The following BRD3 variants were observed in gnomAD, a reference collection of about 807,000 sequenced individuals.
BRD3 encodes bromodomain containing 3, also known as bromodomain-containing protein 3.
In BRD3, 17 loss-of-function variants were observed where a neutral mutation model predicts 66.8. That is an observed-to-expected ratio of 0.25 (90% CI 0.17 to 0.38). BRD3 has a LOEUF of 0.38. Among genes scored for constraint, BRD3 ranks in the 10% least tolerant of loss-of-function variants. BRD3 has a pLI of 1.00. For missense variants in BRD3, 713 were observed against 956.1 expected, an observed-to-expected ratio of 0.75 and a Z score of 3.35; for synonymous variants, 421 against 393.2, an observed-to-expected ratio of 1.07 and a Z score of -0.84.
intron 5 of BRD3, 67 bp from the exon 6 acceptor site, chr9:134,048,521 C>T (rs532057376): frequency 7.6e-6 from 12 of 1,586,152 alleles, no homozygotes; most frequent in Admixed American, 6.8e-5. Flanking sequence ...TCGCTGCAGC[C>T]GCGTTTCTGG....
chr9:134,031,368 G>C lies in BRD3; in HGVS notation c.*2222C>G, dbSNP rs557349236. ...CAGGCACCCCCGGCTTAGGGTGTAC[G>C]TATCACCCAGCCCTGTGCTGGCAGC... On this transcript the variant is annotated 3_prime_UTR_variant, in exon 12 of 12. Coordinates refer to ENST00000303407, the MANE Select transcript of BRD3 (RefSeq NM_007371.4). The C allele has an allele frequency of 1.4e-5, 3 of 207,970 alleles. No individual in the cohort carries two copies. The highest frequency in any genetic ancestry group is 4.6e-5 in the African/African-American group (2 of 43,942). The allele number at this position is 207,970 out of a possible 1,614,324, so 12.9% of individuals were successfully genotyped here. A position where few individuals can be genotyped will look rare whatever the true frequency, so the allele number is the denominator to read the frequency against.
intron 9 of BRD3, among the ~76,000 whole-genome samples, chr9:134,036,910 C>T (rs1829930757): frequency 6.6e-6 from 1 of 152,016 alleles, no homozygotes; most frequent in South Asian, 2.1e-4. Context: ...ATGCGGGAGG[C>T]TGAGGCAGGA....
At position 134,040,043 on chromosome 9, in the gene BRD3, G is replaced by T; in HGVS notation, c.1634C>A (p.Thr545Lys). The T allele has an allele frequency of 6.3e-7, 1 of 1,590,452 alleles. No homozygotes were observed. Among genetic ancestry groups the T allele is most frequent in the Non-Finnish European group, 8.5e-7 (1 of 1,170,928 alleles). Reference protein sequence around the residue: ...APAKKANSTTTAGRQLKKGGK... With the variant: ...APAKKANSTTKAGRQLKKGGK... Reference sequence around the variant, plus strand: ...CAGGTCTGGAGCCCACCTGCCGGCCGTGGTCGTGCTGTTGGCCTTCTTGGC... The same window carrying T: ...CAGGTCTGGAGCCCACCTGCCGGCCTTGGTCGTGCTGTTGGCCTTCTTGGC... The change falls in exon 9 of 12, where the codon ACG becomes AAG. Residue 545 changes from threonine (T) to lysine (K), a missense_variant. By Grantham distance (78) the Thr-to-Lys change is moderately conservative (BLOSUM62 -1). Coordinates refer to ENST00000303407, the MANE Select transcript of BRD3 (RefSeq NM_007371.4).
At position 134,045,661 on chromosome 9, in the gene BRD3, T is replaced by A. The variant is rs1830151541; in HGVS notation, c.1087-240A>T. ...GAGGGTCTGGGACTCCAGAGACAGATCTCCTGATTGGAAGAAAAATGCACT... is the reference window on the plus strand; with the variant it reads ...GAGGGTCTGGGACTCCAGAGACAGAACTCCTGATTGGAAGAAAAATGCACT... On this transcript the variant is annotated intron_variant, in intron 6 of 11. Coordinates refer to ENST00000303407, the MANE Select transcript of BRD3 (RefSeq NM_007371.4). This position sits in a 1 kb window ranked among gnomAD's most constrained non-coding sequence, Gnocchi z 4.8. 6.6e-6 allele frequency among the ~76,000 whole-genome samples: 1 copy of A among 152,054 alleles called. No individual in the cohort carries two copies. Among genetic ancestry groups the A allele is most frequent in the Non-Finnish European group, 1.5e-5 (1 of 68,012 alleles).
intron 1 of BRD3, among the ~76,000 whole-genome samples, chr9:134,063,305 T>C (rs1187622531): frequency 1.3e-5 from 2 of 152,232 alleles, no homozygotes; most frequent in Non-Finnish European, 2.9e-5. Context: ...GGAGCCACCG[T>C]GCTTGACCCT....
Position 134,051,617 on chromosome 9 carries a change from T to C in BRD3, c.444A>G (p.Leu148=). The change falls in exon 4 of 12, where the codon TTA becomes TTG. Residue 148 remains leucine (L), a synonymous_variant. Coordinates refer to ENST00000303407, the MANE Select transcript of BRD3 (RefSeq NM_007371.4). ...GACCTTTGCCCTTTGGAGCAGGGGG[T>C]AATAATTCAACTTCCTCTTGGGGCA... The part of the protein sequence containing the change: ...AQMPQEEVEL[L]PPAPKGKGRK... 1 of 1,585,500 alleles carries C rather than the reference T, an allele frequency of 6.3e-7. No homozygotes were observed. The highest frequency in any genetic ancestry group is 8.5e-7 in the Non-Finnish European group (1 of 1,170,766).
intron 11 of BRD3, 40 bp downstream of exon 11, chr9:134,034,661 C>G (rs376499654): frequency 6.3e-7 from 1 of 1,598,254 alleles, no homozygotes; most frequent in South Asian, 1.1e-5. Flanking sequence ...ACACCCCCCA[C>G]CCCCCTAAAG....
In BRD3 at chr9:134,059,548, C is replaced by T. The variant is rs180760914; in HGVS notation, c.-113-5958G>A. On this transcript the variant is annotated intron_variant, in intron 1 of 11. Coordinates refer to ENST00000303407, the MANE Select transcript of BRD3 (RefSeq NM_007371.4). ...TCCTTCACCCCTCGCAGCTGCCCTG[C>T]GGGAATGTGCAGCAGAAGGGGGTGT... Among the ~76,000 whole-genome samples the T allele has an allele frequency of 7.6e-3, 1,162 of 152,328 alleles. 12 individuals carry two copies. Among genetic ancestry groups the T allele is most frequent in the African/African-American group, 0.026 (1,089 of 41,556 alleles).
chr9:134,033,401 C>T lies in BRD3; in HGVS notation c.*189G>A, dbSNP rs1174615110. 3.8e-6 allele frequency: 2 copies of T among 524,198 alleles called. No individual in the cohort carries two copies. Among genetic ancestry groups the T allele is most frequent in the Admixed American group, 3.6e-5 (1 of 27,790 alleles). 32.5% of individuals were successfully genotyped at this position (524,198 alleles called of 1,614,324 possible). A position where few individuals can be genotyped will look rare whatever the true frequency, so the allele number is the denominator to read the frequency against. ...ACTTTCTGCAGAGTTCACACCTTCT[C>T]ATCAAGTCTAACGCACACACAAGAT... is the stretch of plus-strand genomic sequence containing the variant. On this transcript the variant is annotated 3_prime_UTR_variant, in exon 12 of 12. Coordinates refer to ENST00000303407, the MANE Select transcript of BRD3 (RefSeq NM_007371.4). This position sits in a 1 kb window ranked among gnomAD's most constrained non-coding sequence, Gnocchi z 5.1.
intron 1 of BRD3, among the ~76,000 whole-genome samples, chr9:134,064,949 C>T (rs1181695510): frequency 6.6e-6 from 1 of 152,266 alleles, no homozygotes. Flanking sequence ...GCACCTGGCA[C>T]CCCATCATGC....
chr9:134,030,364 AG>A lies in BRD3; in HGVS notation c.*3225del. The A allele has an allele frequency of 6.3e-6, 1 of 159,092 alleles. No individual in the cohort carries two copies. Among genetic ancestry groups the A allele is most frequent in the Non-Finnish European group, 1.3e-5 (1 of 75,722 alleles). The allele number at this position is 159,092 out of a possible 1,614,324, so 9.9% of individuals were successfully genotyped here. A position where few individuals can be genotyped will look rare whatever the true frequency, so the allele number is the denominator to read the frequency against. ...AAAACAAAACAAATGCCCCAGGAGA[AG>A]GGTCCATGATTACCAGAAACATCAA... is the stretch of plus-strand genomic sequence containing the variant. On this transcript the variant is annotated 3_prime_UTR_variant, in exon 12 of 12. Coordinates refer to ENST00000303407, the MANE Select transcript of BRD3 (RefSeq NM_007371.4).
intron 11 of BRD3, chr9:134,034,443 T>C: frequency 2.2e-6 from 1 of 458,126 alleles, no homozygotes; most frequent in Non-Finnish European, 3.9e-6. Context: ...TCCTGGGGGG[T>C]CCTCTGTCTG....
intron 1 of BRD3, among the ~76,000 whole-genome samples, chr9:134,064,146 C>G (rs1398163602): frequency 1.3e-5 from 2 of 152,194 alleles, no homozygotes; most frequent in Non-Finnish European, 2.9e-5. Flanking sequence ...CAGGTCCTGG[C>G]TCCACTGCGA....
At chr9:134,064,837 A>G (rs1830613348) in intron 1 of BRD3, among the ~76,000 whole-genome samples, 1 of 152,224 alleles carries the variant, frequency 6.6e-6, no homozygotes, top group Non-Finnish European at 1.5e-5. Flanking sequence ...AGAATAGGCA[A>G]AGAAAACCCT....
rs148881893 is a variant in BRD3 at position 134,048,149 on chromosome 9, G to A, written c.1020C>T (p.Ala340=). The change falls in exon 6 of 12, where the codon GCC becomes GCT. Residue 340 remains alanine, a synonymous_variant. Transcript: ENST00000303407. ...GGTAGTCGTGCAGCTCCAGGGCCTC[G>A]GCATCCACTGGCTTGTAGAAGGGCC... The part of the protein sequence containing the change: ...YAWPFYKPVD[A]EALELHDYHD... The A allele has an allele frequency of 2.5e-5, 41 of 1,609,348 alleles. No homozygotes were observed. The African/African-American group carries it at 2.7e-4, about 10-fold the overall frequency.
intron 1 of BRD3, chr9:134,054,584 GT>G (rs1195842851): frequency 2.0e-5 from 3 of 152,314 alleles, no homozygotes; most frequent in Non-Finnish European, 4.4e-5. Context: ...TCCTGCAGTC[GT>G]GTAACTGACA....
At chr9:134,050,705 G>A (rs909146498) in intron 4 of BRD3, 117 bp from the exon 5 acceptor site, 21 of 807,106 alleles carry the variant, frequency 2.6e-5, no homozygotes, top group Middle Eastern at 2.8e-4. Context: ...CAAGACCGCC[G>A]GCCAGAAGAA....
chr9:134,034,928 G>GCA, intron 10 of BRD3, 99 bp from the exon 11 acceptor site: 1 of 1,539,306 alleles, frequency 6.5e-7, no homozygotes, highest in Non-Finnish European at 8.8e-7. Context: ...CTGCACACTG[G>GCA]CATCCATGCC....
At chr9:134,039,867 G>A (rs543293982) in intron 9 of BRD3, among the ~76,000 whole-genome samples, 167 bp downstream of exon 9, 59 of 152,210 alleles carry the variant, frequency 3.9e-4, no homozygotes, top group South Asian at 1.2e-3. Context: ...CTGGGCCCCC[G>A]GACTTCCCAG....
Sources: gnomAD v4.1 joint callset for allele counts (sites outside exome capture counted in the v4.1 genomes callset) on GRCh38, gnomAD v4.1.1 for gene constraint, Gnocchi (gnomAD v3.1) non-coding constraint, MANE v1.5 for transcripts, NCBI Gene and HGNC (gene_info 2026-07-23, HGNC 2026-07-21) for gene names.